CPXM2: variants seen among roughly 807,000 people sequenced by gnomAD.
CPXM2 encodes the protein carboxypeptidase X, M14 family member 2, also known as inactive carboxypeptidase-like protein X2.
In CPXM2, 66 loss-of-function variants were observed where a neutral mutation model predicts 86.1. The ratio of observed to expected loss-of-function variants is 0.77; its 90% CI spans 0.63 to 0.94. The LOEUF (loss-of-function observed/expected upper bound fraction) is 0.94. Among genes scored for constraint, CPXM2 ranks in the 40% least tolerant of loss-of-function variants. CPXM2 has a pLI of 0.00. For missense variants in CPXM2, 948 were observed against 1,026.3 expected (o/e 0.92, Z 1.04); for synonymous variants, 388 against 400.2 (o/e 0.97, Z 0.36).
At chr10:123,825,216 T>C (rs1010550569) in intron 4 of CPXM2, among the ~76,000 whole-genome samples, 1 of 152,164 alleles carries the variant, frequency 6.6e-6, no homozygotes, top group Non-Finnish European at 1.5e-5. Flanking sequence ...AGTGTGTATG[T>C]GTGTATGTAC....
At chr10:123,889,623 G>A (rs375684118) in intron 1 of CPXM2, among the ~76,000 whole-genome samples, 2 of 152,200 alleles carry the variant, frequency 1.3e-5, no homozygotes, top group African/African-American at 4.8e-5. Flanking sequence ...CACACTGGAA[G>A]CTTTCATTAA....
chr10:123,790,099 A>C (rs1032532665), intron 6 of CPXM2, among the ~76,000 whole-genome samples: 13 of 152,122 alleles, frequency 8.5e-5, no homozygotes, highest in Non-Finnish European at 1.6e-4. Flanking sequence ...ACCTGGGTGG[A>C]CAGAGCAAGA....
chr10:123,836,779 T>G, intron 4 of CPXM2, among the ~76,000 whole-genome samples: 1 of 152,146 alleles, frequency 6.6e-6, no homozygotes, highest in African/African-American at 2.4e-5. Flanking sequence ...TATCAGGGTA[T>G]AGGAGAACTT....
upstream of CPXM2, among the ~76,000 whole-genome samples, chr10:123,895,773 A>G (rs1413604135): frequency 6.6e-6 from 1 of 152,228 alleles, no homozygotes; most frequent in Non-Finnish European, 1.5e-5. Flanking sequence ...AGTCGGGGGT[A>G]GTAATGGGGG....
At chr10:123,864,060 T>C (rs1848922193) in intron 2 of CPXM2, among the ~76,000 whole-genome samples, 1 of 152,318 alleles carries the variant, frequency 6.6e-6, no homozygotes, top group South Asian at 2.1e-4. Flanking sequence ...GCCTGGGCTC[T>C]GGCTGAAGCT....
intron 2 of CPXM2, among the ~76,000 whole-genome samples, chr10:123,909,555 T>C (rs1447312291): frequency 6.6e-6 from 1 of 152,204 alleles, no homozygotes; most frequent in African/African-American, 2.4e-5. Context: ...CCCAGGCTGC[T>C]CATGTTTGCT....
intron 9 of CPXM2, among the ~76,000 whole-genome samples, chr10:123,767,524 GC>G (rs1846506652): frequency 1.3e-5 from 2 of 152,108 alleles, no homozygotes; most frequent in Non-Finnish European, 2.9e-5. Flanking sequence ...CTCCCTGCCT[GC>G]CCATGATTCT....
chr10:123,825,320 C>A (rs963121554), intron 4 of CPXM2, among the ~76,000 whole-genome samples: 1 of 152,136 alleles, frequency 6.6e-6, no homozygotes, highest in Non-Finnish European at 1.5e-5. Flanking sequence ...AGTTTCCCAG[C>A]ACGTTAATGT....
intron 4 of CPXM2, among the ~76,000 whole-genome samples, chr10:123,834,198 A>G (rs963887552): frequency 3.3e-5 from 5 of 152,156 alleles, no homozygotes; most frequent in African/African-American, 7.2e-5. Context: ...GCATCCCCAC[A>G]GGACGTCCAG....
At chr10:123,832,222 A>C (rs10902824) in intron 4 of CPXM2, among the ~76,000 whole-genome samples, 56,766 of 152,024 alleles carry the variant, frequency 0.37, 13,150 homozygotes, top group African/African-American at 0.66. Flanking sequence ...AGGCCCCAGG[A>C]ACTGCATCTC....
intron 1 of CPXM2, among the ~76,000 whole-genome samples, chr10:123,939,817 A>G (rs1277062515): frequency 2.0e-5 from 3 of 152,164 alleles, no homozygotes; most frequent in Admixed American, 6.5e-5. Context: ...CGCACCCCAG[A>G]TGTGCCTGAT....
chr10:123,889,313 A>G (rs921625199), intron 1 of CPXM2, among the ~76,000 whole-genome samples: 1 of 152,214 alleles, frequency 6.6e-6, no homozygotes, highest in Non-Finnish European at 1.5e-5. Context: ...CAAGTCTTAA[A>G]CATCACCTCT....
At chr10:123,779,387 A>G (rs1174610180) in intron 7 of CPXM2, among the ~76,000 whole-genome samples, 2 of 152,188 alleles carry the variant, frequency 1.3e-5, no homozygotes, top group Admixed American at 6.5e-5. Context: ...AAAGCTCAGA[A>G]CTATTGGGTT....
chr10:123,782,987 C>A (rs1846969182), intron 6 of CPXM2, among the ~76,000 whole-genome samples: 1 of 152,210 alleles, frequency 6.6e-6, no homozygotes, highest in Non-Finnish European at 1.5e-5. Flanking sequence ...TCATTATACA[C>A]TAATTATAAT....
At chr10:123,930,345 C>A (rs1004576159) in intron 2 of CPXM2, among the ~76,000 whole-genome samples, 7 of 152,246 alleles carry the variant, frequency 4.6e-5, no homozygotes, top group Non-Finnish European at 8.8e-5. Flanking sequence ...GAGGTGCTGT[C>A]CTCAGGAGAA....
intron 2 of CPXM2, among the ~76,000 whole-genome samples, chr10:123,919,555 T>C (rs1406320264): frequency 6.6e-6 from 1 of 152,046 alleles, no homozygotes; most frequent in Non-Finnish European, 1.5e-5. Flanking sequence ...AGTAAAGAAA[T>C]AGAACCAGTA....
intron 2 of CPXM2, among the ~76,000 whole-genome samples, chr10:123,922,208 T>C (rs1030424199): frequency 5.3e-5 from 8 of 152,002 alleles, no homozygotes; most frequent in African/African-American, 1.9e-4. Flanking sequence ...TTGCCAAATG[T>C]CCCGAGGTGC....
At chr10:123,897,199 A>G (rs190668965) in intron 2 of CPXM2, among the ~76,000 whole-genome samples, 2 of 151,758 alleles carry the variant, frequency 1.3e-5, no homozygotes, top group Admixed American at 6.5e-5. Context: ...GCCTCCACTC[A>G]TTAGTCTCGG....
intron 4 of CPXM2, among the ~76,000 whole-genome samples, chr10:123,839,088 G>A (rs544039056): frequency 2.5e-4 from 38 of 152,284 alleles, no homozygotes; most frequent in African/African-American, 7.7e-4. Context: ...ACCCAAAGAC[G>A]TGTGGCAGGA....
Sources: allele counts gnomAD v4.1 joint callset (sites outside exome capture counted in the v4.1 genomes callset), GRCh38; gene constraint gnomAD v4.1.1; transcripts MANE v1.5; gene names NCBI Gene and HGNC (gene_info 2026-07-23, HGNC 2026-07-21).